Variants in RNF111 observed in about 807,000 individuals in gnomAD.
The protein encoded by RNF111 is ring finger protein 111, also known as E3 ubiquitin-protein ligase Arkadia.
In RNF111, 17 loss-of-function variants were observed where a neutral mutation model predicts 95.1. The observed-to-expected ratio is 0.18, with a 90% CI of 0.12 to 0.27. The LOEUF is 0.27. RNF111 is among the 10% of genes least tolerant of loss of function. RNF111 has a pLI of 1.00. For missense variants in RNF111, 1,189 were observed against 1,210.4 expected (o/e 0.98, Z 0.26); for synonymous variants, 440 against 414.8 (o/e 1.06, Z -0.74).
intron 6 of RNF111, among the ~76,000 whole-genome samples, chr15:59,073,627 G>A (rs563910488): frequency 1.1e-4 from 16 of 152,306 alleles, no homozygotes; most frequent in African/African-American, 3.6e-4. Context: ...CACGACATCT[G>A]TAGTTACTTC....
chr15:59,073,522 C>T (rs75688464), intron 6 of RNF111, among the ~76,000 whole-genome samples: 42 of 152,136 alleles, frequency 2.8e-4, no homozygotes, highest in African/African-American at 9.6e-4. Flanking sequence ...TTTGCTCCTC[C>T]GTCAGAAGCA....
chr15:59,088,301 G>A (rs2078954931), intron 10 of RNF111, among the ~76,000 whole-genome samples: 1 of 152,172 alleles, frequency 6.6e-6, no homozygotes, highest in African/African-American at 2.4e-5. Context: ...GACTAGGGAG[G>A]AGAGGCTTTT....
At chr15:59,039,728 T>A (rs1440888925) in intron 2 of RNF111, among the ~76,000 whole-genome samples, 1 of 152,062 alleles carries the variant, frequency 6.6e-6, no homozygotes, top group East Asian at 1.9e-4. Context: ...CTGATTTTTT[T>A]TTTTTTTGAG....
At chr15:59,085,847 T>A in intron 10 of RNF111, 62 bp downstream of exon 10, 1 of 1,336,782 alleles carries the variant, frequency 7.5e-7, no homozygotes, top group Non-Finnish European at 1.0e-6. Context: ...AAGTATTTTA[T>A]TGGAAATACT....
chr15:59,046,310 C>T (rs764593045), intron 2 of RNF111, among the ~76,000 whole-genome samples: 17 of 146,482 alleles, frequency 1.2e-4, no homozygotes, highest in Non-Finnish European at 1.8e-4. Context: ...CCTCCCACGT[C>T]AGCCTCCTGG....
chr15:59,078,646 G>T (rs933932774), intron 7 of RNF111, among the ~76,000 whole-genome samples: 2 of 151,874 alleles, frequency 1.3e-5, no homozygotes, highest in Non-Finnish European at 2.9e-5. Flanking sequence ...ATCACCTGAG[G>T]TCAGGAGTTC....
At chr15:59,031,907 A>G (rs1188508533) in intron 2 of RNF111, among the ~76,000 whole-genome samples, 3 of 152,218 alleles carry the variant, frequency 2.0e-5, no homozygotes, top group Non-Finnish European at 4.4e-5. Context: ...AGTGACAAAA[A>G]TAAGTCAGAG....
intron 5 of RNF111, among the ~76,000 whole-genome samples, chr15:59,060,203 G>A (rs1200669459): frequency 2.6e-5 from 4 of 151,994 alleles, no homozygotes; most frequent in Non-Finnish European, 5.9e-5. Flanking sequence ...CTGAAAAAAT[G>A]TAGGCAGAAA....
chr15:59,030,574 T>C (rs1315083791), intron 1 of RNF111, among the ~76,000 whole-genome samples: 2 of 152,224 alleles, frequency 1.3e-5, no homozygotes. Flanking sequence ...AGTAGGCTTA[T>C]GCTCTATATC....
intron 1 of RNF111, among the ~76,000 whole-genome samples, chr15:58,990,531 T>C (rs945950980): frequency 3.0e-4 from 45 of 152,296 alleles, no homozygotes; most frequent in Admixed American, 2.9e-3. Flanking sequence ...GCGCCTGTAG[T>C]CCCAGCTGCC....
At chr15:59,077,618 T>A (rs139024825) in intron 7 of RNF111, among the ~76,000 whole-genome samples, 216 of 152,360 alleles carry the variant, frequency 1.4e-3, no homozygotes, top group African/African-American at 4.6e-3. Context: ...CATTGGTTTT[T>A]AATACCCCCA....
intron 11 of RNF111, 152 bp downstream of exon 11, chr15:59,089,911 T>G: frequency 1.8e-6 from 1 of 546,026 alleles, no homozygotes; most frequent in Non-Finnish European, 3.2e-6. Context: ...TACAGAAATA[T>G]TTGTAAGTAT....
intron 2 of RNF111, among the ~76,000 whole-genome samples, chr15:59,040,764 T>C (rs1339698768): frequency 2.0e-5 from 3 of 152,230 alleles, no homozygotes; most frequent in Non-Finnish European, 2.9e-5. Context: ...GTATTTTGTT[T>C]TGTATAGTGT....
At chr15:59,093,361 T>TTA (rs1555403300) in intron 13 of RNF111, 1 of 299,686 alleles carries the variant, frequency 3.3e-6, no homozygotes, top group African/African-American at 2.9e-5. Context: ...TTTTTTTTTT[T>TTA]CCTTTTCTGG....
chr15:59,076,935 G>A (rs1025704325), intron 7 of RNF111, among the ~76,000 whole-genome samples: 2 of 152,120 alleles, frequency 1.3e-5, no homozygotes, highest in African/African-American at 2.4e-5. Flanking sequence ...ATGGCAAGTG[G>A]TAATTTTCAC....
chr15:58,999,094 G>T (rs1401144425), intron 1 of RNF111, among the ~76,000 whole-genome samples: 1 of 152,130 alleles, frequency 6.6e-6, no homozygotes, highest in Non-Finnish European at 1.5e-5. Context: ...TACCTGAAAA[G>T]GTTATTAAAT....
intron 10 of RNF111, among the ~76,000 whole-genome samples, chr15:59,086,118 T>C (rs1312563629): frequency 6.6e-6 from 1 of 151,998 alleles, no homozygotes; most frequent in Admixed American, 6.6e-5. Context: ...TCATACTTGA[T>C]TTTCTTTTTT....
At chr15:59,070,029 C>CCCCTTTTTTTTTTTT (rs2042842652) in intron 6 of RNF111, among the ~76,000 whole-genome samples, 1 of 22,678 alleles carries the variant, frequency 4.4e-5, no homozygotes, top group African/African-American at 2.3e-4. Flanking sequence ...CCACCTCCTG[C>CCCCTTTTTTTTTTTT]TTTTTTTTTT....
intron 7 of RNF111, among the ~76,000 whole-genome samples, chr15:59,080,114 C>CTTTTTTTTTT (rs1194255542): frequency 3.5e-5 from 3 of 85,446 alleles, no homozygotes; most frequent in Non-Finnish European, 6.3e-5. Context: ...TTGTGTGCTC[C>CTTTTTTTTTT]TTTTTTTTTT....
Sources: gnomAD v4.1 joint callset for allele counts (sites outside exome capture counted in the v4.1 genomes callset) on GRCh38, gnomAD v4.1.1 for gene constraint, MANE v1.5 for transcripts, NCBI Gene and HGNC (gene_info 2026-07-23, HGNC 2026-07-21) for gene names.